The following RAI14 variants were observed in gnomAD, a reference collection of about 807,000 sequenced individuals.
The protein encoded by RAI14 is retinoic acid induced 14, also known as ankycorbin.
RAI14 carries 45 observed loss-of-function variants against 115.4 expected under a neutral mutation model. That is an observed-to-expected ratio of 0.39 (90% confidence interval 0.31 to 0.50). The LOEUF is 0.50. RAI14 is among the 20% of genes least tolerant of loss of function. RAI14 has a pLI of 0.85. For synonymous variants in RAI14, 371 were observed against 415.4 expected (o/e 0.89, Z 1.30); for missense variants, 939 against 1,131.2 (o/e 0.83, Z 2.44).
chr5:34,789,770 T>C (rs1187663701), intron 3 of RAI14, among the ~76,000 whole-genome samples: 1 of 152,200 alleles, frequency 6.6e-6, no homozygotes, highest in Non-Finnish European at 1.5e-5. Context: ...TATTTCACGC[T>C]TCACCCTTTA....
chr5:34,827,950 T>C lies in RAI14; in HGVS notation c.2799+1471T>C, dbSNP rs191282854. On this transcript the variant is annotated intron_variant, in intron 16 of 17. Transcript: ENST00000265109. The surrounding 1 kb of genome is among the most constrained non-coding windows in gnomAD (Gnocchi z 4.2). Reference sequence around the variant, plus strand: ...TCTTGCTGAGTCATGAAAAGGTTCCTACGGGAGTTACACTTGTGCTGAGTC... The same window carrying C: ...TCTTGCTGAGTCATGAAAAGGTTCCCACGGGAGTTACACTTGTGCTGAGTC... Among the ~76,000 whole-genome samples, 179 of 152,322 alleles carry C rather than the reference T, an allele frequency of 1.2e-3. 1 individual carries two copies. The highest frequency in any genetic ancestry group is 4.4e-3 in the Admixed American group (67 of 15,296).
At position 34,682,078 on chromosome 5, in the gene RAI14, C is replaced by T. The variant is rs549733517; in HGVS notation, c.-48-4794C>T. On this transcript the variant is annotated intron_variant, in intron 1 of 17. Coordinates refer to ENST00000265109, the MANE Select transcript of RAI14 (RefSeq NM_015577.3). The stretch of plus-strand genomic sequence containing the variant: ...CCATGTTGGTCAGGCTGGTCTTGAA[C>T]TTCCGACCTCAAATGATCCACCCGC... Among the ~76,000 whole-genome samples, 7 of 152,184 alleles carry T rather than the reference C, an allele frequency of 4.6e-5. No homozygotes were observed. The East Asian group carries it at 9.7e-4, about 21-fold the overall frequency.
chr5:34,698,301 G>T (rs1040914861), intron 2 of RAI14, among the ~76,000 whole-genome samples: 8 of 150,564 alleles, frequency 5.3e-5, no homozygotes, highest in Non-Finnish European at 8.8e-5. Flanking sequence ...TGAGGATTAG[G>T]ATAAAATCTG....
chr5:34,687,574 CAGA>C, intron 2 of RAI14: 1 of 1,455,142 alleles, frequency 6.9e-7, no homozygotes, highest in Non-Finnish European at 9.1e-7. Context: ...AAAAACATAG[CAGA>C]GGGGTTGTAC....
Position 34,823,159 on chromosome 5 carries a change from A to G in RAI14, c.1317A>G (p.Gln439=), listed in dbSNP as rs1757088768. The part of the protein sequence containing the change: ...VRIQQLQEIL[Q]DLQKRLESSE... ...TTCAGCAACTGCAAGAGATTTTGCA[A>G]GATCTACAGAAGAGATTAGAGAGCT... The change falls in exon 15 of 18, where the codon CAA becomes CAG. Residue 439 remains glutamine, a synonymous_variant. Transcript: ENST00000265109. The surrounding 1 kb of genome is among the most constrained non-coding windows in gnomAD (Gnocchi z 4.5). 6.2e-7 allele frequency: 1 copy of G among 1,613,204 alleles called. No individual in the cohort carries two copies.
intron 2 of RAI14, among the ~76,000 whole-genome samples, chr5:34,723,222 A>G (rs371306140): frequency 1.3e-5 from 2 of 151,954 alleles, no homozygotes; most frequent in South Asian, 4.2e-4. Context: ...CTATATACCT[A>G]TATATAGATG....
At chr5:34,826,131 G>A (rs776773623) in intron 15 of RAI14, 199 bp from the exon 16 acceptor site, 46 of 406,266 alleles carry the variant, frequency 1.1e-4, no homozygotes, top group East Asian at 3.6e-4. Flanking sequence ...TGGATGTAGC[G>A]GGCTTTGTTA....
intron 2 of RAI14, among the ~76,000 whole-genome samples, chr5:34,756,657 G>A (rs1747923182): frequency 6.6e-6 from 1 of 152,068 alleles, no homozygotes; most frequent in South Asian, 2.1e-4. Flanking sequence ...TCCCTCCTCT[G>A]CTCCCAAACC....
At position 34,752,745 on chromosome 5, in the gene RAI14, G is replaced by GTATATATA. The variant is rs1373860856; in HGVS notation, c.37-4722_37-4721insATATATAT. 2.2e-3 allele frequency among the ~76,000 whole-genome samples: 228 copies of GTATATATA among 105,264 alleles called. 8 individuals carry two copies. The highest frequency in any genetic ancestry group is 7.9e-3 in the African/African-American group (209 of 26,556). The allele number at this position is 105,264 out of a possible 152,430, so 69.1% of individuals were successfully genotyped here. A position where few individuals can be genotyped will look rare whatever the true frequency, so the allele number is the denominator to read the frequency against. On this transcript the variant is annotated intron_variant, in intron 2 of 17. Coordinates refer to ENST00000265109, the MANE Select transcript of RAI14 (RefSeq NM_015577.3). ...TGTGTGTGTGTGTGTGTGTGTGTGTGTGTGTATATATATATATATATGTAT... is the reference window on the plus strand; with the variant it reads ...TGTGTGTGTGTGTGTGTGTGTGTGTGTATATATATGTGTATATATATATATATATGTAT...
intron 2 of RAI14, among the ~76,000 whole-genome samples, chr5:34,708,830 A>G (rs1741045348): frequency 6.6e-6 from 1 of 152,196 alleles, no homozygotes; most frequent in African/African-American, 2.4e-5. Flanking sequence ...GCCATTAGTT[A>G]AAACATTGCC....
In RAI14 at chr5:34,687,038, G is replaced by A. The variant is rs374241478; in HGVS notation, c.36+83G>A. On this transcript the variant is annotated intron_variant, in intron 2 of 17. Coordinates refer to ENST00000265109, the MANE Select transcript of RAI14 (RefSeq NM_015577.3). The stretch of plus-strand genomic sequence containing the variant: ...ACGCTCCTCCCCACCTTGATAAGGC[G>A]CTGTTGGGTTAATAAACTACAGACA... 2.4e-5 allele frequency: 36 copies of A among 1,486,972 alleles called. No individual in the cohort carries two copies. The African/African-American group carries it at 3.2e-4, about 13-fold the overall frequency. 92.1% of individuals were successfully genotyped at this position (1,486,972 alleles called of 1,614,324 possible).
intron 1 of RAI14, chr5:34,685,649 C>G (rs1170312068): frequency 6.6e-6 from 1 of 151,302 alleles, no homozygotes; most frequent in African/African-American, 2.4e-5. Context: ...TGAATCTCAT[C>G]ATGAATAGGC....
chr5:34,737,256 T>TCTGG (rs1044015811), intron 2 of RAI14, among the ~76,000 whole-genome samples: 1 of 151,838 alleles, frequency 6.6e-6, no homozygotes, highest in Non-Finnish European at 1.5e-5. Flanking sequence ...ATACTCCTAA[T>TCTGG]GTAGTGCAGG....
intron 2 of RAI14, among the ~76,000 whole-genome samples, chr5:34,737,329 GA>G (rs1744993007): frequency 1.3e-5 from 2 of 152,262 alleles, no homozygotes; most frequent in African/African-American, 4.8e-5. Context: ...ACAAGTTAAG[GA>G]AAGTAGTATT....
intron 3 of RAI14, among the ~76,000 whole-genome samples, chr5:34,771,182 A>T (rs1298904172): frequency 1.3e-5 from 2 of 152,212 alleles, no homozygotes; most frequent in African/African-American, 2.4e-5. Context: ...CAGTGCTTCC[A>T]TCTGTGAAAT....
In RAI14 at chr5:34,776,177, A is replaced by G. The variant is rs190409670; in HGVS notation, c.167+18579A>G. ...ACTGAACTAAGCCAGGCACAGAAAA[A>G]CAAACTGCCTATTCTCACTTATTTG... is the stretch of plus-strand genomic sequence containing the variant. On this transcript the variant is annotated intron_variant, in intron 3 of 17. Coordinates refer to ENST00000265109, the MANE Select transcript of RAI14 (RefSeq NM_015577.3). Among the ~76,000 whole-genome samples the G allele has an allele frequency of 7.2e-5, 11 of 152,338 alleles. No individual in the cohort carries two copies. The East Asian group carries it at 2.1e-3, about 29-fold the overall frequency.
intron 5 of RAI14, 122 bp downstream of exon 5, chr5:34,803,898 T>A: frequency 1.2e-6 from 1 of 832,294 alleles, no homozygotes; most frequent in Non-Finnish European, 1.9e-6. Context: ...CCCAAACCTG[T>A]GTTTCCTAAG....
chr5:34,755,530 C>A (rs1012238479), intron 2 of RAI14, among the ~76,000 whole-genome samples: 1 of 152,190 alleles, frequency 6.6e-6, no homozygotes, highest in Non-Finnish European at 1.5e-5. Context: ...ACATTTTGGG[C>A]CAGATTATTC....
intron 2 of RAI14, among the ~76,000 whole-genome samples, chr5:34,704,637 T>C (rs1740464686): frequency 6.6e-6 from 1 of 152,240 alleles, no homozygotes; most frequent in African/African-American, 2.4e-5. Context: ...CTTTTCCAGA[T>C]ACTCTCTAAT....
Sources: allele counts gnomAD v4.1 joint callset (sites outside exome capture counted in the v4.1 genomes callset), GRCh38; gene constraint gnomAD v4.1.1; non-coding constraint Gnocchi (gnomAD v3.1); transcripts MANE v1.5; gene names NCBI Gene and HGNC (gene_info 2026-07-23, HGNC 2026-07-21).